Variants in AP5M1 observed in about 807,000 individuals in gnomAD.
AP5M1 encodes AP-5 complex subunit mu-1.
AP5M1 carries 44 observed loss-of-function variants against 52.3 expected under a neutral mutation model. That is an observed-to-expected ratio of 0.84 (90% CI 0.66 to 1.08). The LOEUF (loss-of-function observed/expected upper bound fraction) is 1.08, where lower values mean the gene tolerates loss of function less well. AP5M1 is among the 50% of genes least tolerant of loss of function. The probability of loss-of-function intolerance (pLI) is 0.00; values close to 1 mark genes in which losing one functional copy is unlikely to be tolerated. For synonymous variants in AP5M1, 213 were observed against 199.0 expected, an observed-to-expected ratio of 1.07 and a Z score of -0.59; for missense variants, 526 against 568.4, an observed-to-expected ratio of 0.93 and a Z score of 0.76.
At chr14:57,270,653 G>A (rs933976749) in intron 1 of AP5M1, among the ~76,000 whole-genome samples, 1 of 152,040 alleles carries the variant, frequency 6.6e-6, no homozygotes, top group African/African-American at 2.4e-5. Flanking sequence ...TTAGTACGTG[G>A]TTTTACCAGG....
intron 7 of AP5M1, 156 bp downstream of exon 7, chr14:57,286,475 T>C (rs1885311951): frequency 3.5e-6 from 2 of 569,404 alleles, no homozygotes; most frequent in East Asian, 3.0e-5. Flanking sequence ...ACAGTTTGTG[T>C]ACTTTACACT....
At position 57,276,077 on chromosome 14, in the gene AP5M1, A is replaced by C. The variant is rs983926779; in HGVS notation, c.720+1188A>C. On this transcript the variant is annotated intron_variant, in intron 2 of 7. Coordinates refer to ENST00000261558, the MANE Select transcript of AP5M1 (RefSeq NM_018229.4). ...AAAATTGGGTCTGTCTTTTTTTTTT[A>C]ATCCTGTTTAACGTTAAAGTTACCT... Among the ~76,000 whole-genome samples the C allele has an allele frequency of 5.3e-5, 8 of 151,678 alleles. No individual in the cohort carries two copies. The East Asian group carries it at 1.5e-3, about 29-fold the overall frequency.
At position 57,292,467 on chromosome 14, in the gene AP5M1, G is replaced by T. The variant is rs775184339; in HGVS notation, c.*3583G>T. ...AGAATGCAATTTATTTTCAGTATTT[G>T]AAGATGTAAAGTCCTGTCTGCTAAG... On this transcript the variant is annotated 3_prime_UTR_variant, in exon 8 of 8. Coordinates refer to ENST00000261558, the MANE Select transcript of AP5M1 (RefSeq NM_018229.4). 3 of 151,816 alleles carry T rather than the reference G, an allele frequency of 2.0e-5. No individual in the cohort carries two copies. Among genetic ancestry groups the T allele is most frequent in the Non-Finnish European group, 4.4e-5 (3 of 67,818 alleles). The allele number at this position is 151,816 out of a possible 1,614,324, so 9.4% of individuals were successfully genotyped here.
intron 7 of AP5M1, among the ~76,000 whole-genome samples, chr14:57,287,994 A>G (rs1360375920): frequency 1.3e-5 from 2 of 152,020 alleles, no homozygotes; most frequent in African/African-American, 4.8e-5. Flanking sequence ...CGAGTCAGAT[A>G]CTCAAGCATT....
At chr14:57,271,101 G>A (rs941623108) in intron 1 of AP5M1, 2 of 152,184 alleles carry the variant, frequency 1.3e-5, no homozygotes, top group Non-Finnish European at 2.9e-5. Context: ...AGCCACATGT[G>A]GGTAGTTCTA....
In AP5M1 at chr14:57,286,769, T is replaced by G. The variant is rs61996662; in HGVS notation, c.1390+450T>G. 1.5e-3 allele frequency among the ~76,000 whole-genome samples: 231 copies of G among 152,264 alleles called. 2 individuals are homozygous for G. Among genetic ancestry groups the G allele is most frequent in the South Asian group, 5.0e-3 (24 of 4,828 alleles). ...GGATTGTTATGAGGTTTAGATAAGATTATATTGACTTAGTATGATGCTTAG... is the reference window on the plus strand; with the variant it reads ...GGATTGTTATGAGGTTTAGATAAGAGTATATTGACTTAGTATGATGCTTAG... On this transcript the variant is annotated intron_variant, in intron 7 of 7. Transcript: ENST00000261558.
chr14:57,283,236 CAT>C lies in AP5M1; in HGVS notation c.1293+9_1293+10del. The C allele has an allele frequency of 6.6e-7, 1 of 1,514,758 alleles. No homozygotes were observed. The highest frequency in any genetic ancestry group is 9.1e-7 in the Non-Finnish European group (1 of 1,093,778). 93.8% of individuals were successfully genotyped at this position (1,514,758 alleles called of 1,614,324 possible). On this transcript the variant is annotated splice_region_variant and intron_variant, in intron 6 of 7. Transcript: ENST00000261558. ...GAGAAACAGCATATTTAAAGGTAAA[CAT>C]ATTTATACAGCTCACTACAGTAGCA...
chr14:57,286,996 TAC>T (rs58786398), intron 7 of AP5M1, among the ~76,000 whole-genome samples: 12,144 of 139,958 alleles, frequency 0.087, 588 homozygotes, highest in African/African-American at 0.14. Flanking sequence ...CACACACACA[TAC>T]ACACACACAC....
intron 4 of AP5M1, among the ~76,000 whole-genome samples, chr14:57,282,529 A>C (rs1191346392): frequency 6.6e-6 from 1 of 152,150 alleles, no homozygotes. Context: ...GTCAAACCAA[A>C]CTATCAACAA....
At position 57,292,326 on chromosome 14, in the gene AP5M1, A is replaced by G. The variant is rs1885454522; in HGVS notation, c.*3442A>G. ...GATTAATCCCCCTTTGATCTAGGGT[A>G]TTTCACTTAACTACCAGTTACCTCG... is the stretch of plus-strand genomic sequence containing the variant. On this transcript the variant is annotated 3_prime_UTR_variant, in exon 8 of 8. Transcript: ENST00000261558. 6.6e-6 allele frequency: 1 copy of G among 151,814 alleles called. No homozygotes were observed. Among genetic ancestry groups the G allele is most frequent in the Non-Finnish European group, 1.5e-5 (1 of 67,812 alleles). 9.4% of individuals were successfully genotyped at this position (151,814 alleles called of 1,614,324 possible). A position where few individuals can be genotyped will look rare whatever the true frequency, so the allele number is the denominator to read the frequency against.
chr14:57,282,032 T>C (rs1239281247), intron 3 of AP5M1, 57 bp from the exon 4 acceptor site: 15 of 1,413,466 alleles, frequency 1.1e-5, no homozygotes, highest in Non-Finnish European at 1.4e-5. Context: ...TCAGTTACTT[T>C]TGTTGTTTTA....
Position 57,280,183 on chromosome 14 carries a change from T to G in AP5M1, c.721-12T>G, listed in dbSNP as rs561394624. 4.0e-4 allele frequency: 638 copies of G among 1,593,896 alleles called. 12 individuals carry two copies. In the South Asian group the frequency reaches 6.6e-3, roughly 17 times the overall value. The stretch of plus-strand genomic sequence containing the variant: ...TGAGATTTTGGTGATAATCTTTCTG[T>G]TTGCATTTCAGTGTGATTTGGAAGG... On this transcript the variant is annotated splice_polypyrimidine_tract_variant and intron_variant, in intron 2 of 7. Transcript: ENST00000261558.
At chr14:57,276,976 A>G (rs1594700829) in intron 2 of AP5M1, among the ~76,000 whole-genome samples, 1 of 152,192 alleles carries the variant, frequency 6.6e-6, no homozygotes, top group Admixed American at 6.5e-5. Context: ...GGAAATAATC[A>G]TCTTCATTTT....
intron 1 of AP5M1, chr14:57,271,160 G>GC (rs1170520921): frequency 6.6e-6 from 1 of 152,222 alleles, no homozygotes; most frequent in Non-Finnish European, 1.5e-5. Context: ...TTGCTCTGTA[G>GC]TACTCATGGT....
chr14:57,274,613 T>G lies in AP5M1; in HGVS notation c.444T>G (p.Asn148Lys), dbSNP rs763833708. 2.5e-6 allele frequency: 4 copies of G among 1,614,218 alleles called. No individual in the cohort carries two copies. In the South Asian group the frequency reaches 4.4e-5, roughly 18 times the overall value. The change falls in exon 2 of 8, where the codon AAT becomes AAG. Residue 148 changes from asparagine (N) to lysine (K), a missense_variant. Transcript: ENST00000261558. Reference sequence around the variant, plus strand: ...ATTTTCTTTATTCAGGTCAAAAAAATGACTCTGAGCTGAATACAAAATTGA... The same window carrying G: ...ATTTTCTTTATTCAGGTCAAAAAAAGGACTCTGAGCTGAATACAAAATTGA... The part of the protein sequence containing the change: ...IQDFLYSGQK[N>K]DSELNTKLSQ...
chr14:57,275,022 T>A, intron 2 of AP5M1, 133 bp downstream of exon 2: 1 of 942,068 alleles, frequency 1.1e-6, no homozygotes, highest in Non-Finnish European at 1.6e-6. Flanking sequence ...GAGAGTCATG[T>A]AAAATTTTAT....
At chr14:57,280,520 A>G in intron 3 of AP5M1, 98 bp downstream of exon 3, 6 of 832,608 alleles carry the variant, frequency 7.2e-6, no homozygotes, top group Non-Finnish European at 1.1e-5. Context: ...GAACTTAGAA[A>G]AAGTTCTATT....
intron 2 of AP5M1, among the ~76,000 whole-genome samples, chr14:57,278,168 A>T (rs1187888332): frequency 2.0e-5 from 3 of 152,236 alleles, no homozygotes; most frequent in Admixed American, 2.0e-4. Context: ...GGCCAGAAGA[A>T]GCCCAACCAG....
In AP5M1 at chr14:57,284,302, A is replaced by G. The variant is rs575704960; in HGVS notation, c.1293+1072A>G. On this transcript the variant is annotated intron_variant, in intron 6 of 7. Coordinates refer to ENST00000261558, the MANE Select transcript of AP5M1 (RefSeq NM_018229.4). The stretch of plus-strand genomic sequence containing the variant: ...AACCAGTGCTAAAAATAGTAGTACT[A>G]TGAGAGACTGGATACATAATTTAGA... Among the ~76,000 whole-genome samples, 77 of 152,352 alleles carry G rather than the reference A, an allele frequency of 5.1e-4. 1 individual carries two copies. The highest frequency in any genetic ancestry group is 2.6e-3 in the Admixed American group (40 of 15,310).
Sources: allele counts gnomAD v4.1 joint callset (sites outside exome capture counted in the v4.1 genomes callset), GRCh38; gene constraint gnomAD v4.1.1; transcripts MANE v1.5; gene names NCBI Gene and HGNC (gene_info 2026-07-23, HGNC 2026-07-21).